SEC22C: variants seen among roughly 807,000 people sequenced by gnomAD.
The protein encoded by SEC22C is SEC22 homolog C, vesicle trafficking protein.
A neutral mutation model predicts 34.7 loss-of-function variants in SEC22C; 29 were observed. The observed-to-expected ratio is 0.84, with a 90% CI of 0.62 to 1.14. The LOEUF is 1.14. Ranked by LOEUF, SEC22C falls within the 50% of genes most tolerant of loss-of-function variation. SEC22C has a pLI of 0.00. For missense variants in SEC22C, 337 were observed against 369.0 expected (o/e 0.91, Z 0.71); for synonymous variants, 117 against 132.8 (o/e 0.88, Z 0.82).
At chr3:42,572,914 G>C (rs897753867) in intron 1 of SEC22C, among the ~76,000 whole-genome samples, 2 of 152,298 alleles carry the variant, frequency 1.3e-5, no homozygotes, top group South Asian at 4.1e-4. Context: ...TCCCAGGCTA[G>C]AATACAGCAG....
chr3:42,558,851 A>C (rs545579817), intron 4 of SEC22C, among the ~76,000 whole-genome samples: 1 of 152,184 alleles, frequency 6.6e-6, no homozygotes, highest in East Asian at 1.9e-4. Context: ...GAGAGGACCA[A>C]GGCTTTATTT....
chr3:42,590,952 G>A (rs1456247620), intron 1 of SEC22C: 2 of 1,110,248 alleles, frequency 1.8e-6, no homozygotes, highest in Non-Finnish European at 2.5e-6. Context: ...AGTCAATCAA[G>A]AGACTATCCA....
chr3:42,589,928 A>G lies in SEC22C; in HGVS notation c.-28+11032T>C, dbSNP rs587712. On this transcript the variant is annotated intron_variant, in intron 1 of 6. Transcript: ENST00000417572. ...CTTCCTCCTTGCATCTTGCGGCACA[A>G]CACCTTTGCGGTATGGTGCCTGGGC... 3.9e-5 allele frequency among the ~76,000 whole-genome samples: 6 copies of G among 152,092 alleles called. No individual in the cohort carries two copies. The South Asian group carries it at 1.2e-3, about 32-fold the overall frequency.
intron 1 of SEC22C, among the ~76,000 whole-genome samples, chr3:42,588,533 T>A (rs1344721047): frequency 6.6e-6 from 1 of 152,242 alleles, no homozygotes; most frequent in Non-Finnish European, 1.5e-5. Context: ...GACAGATCTT[T>A]GTGTGTATAT....
rs1702098289 is a variant in SEC22C at position 42,548,651 on chromosome 3, T to C, written c.*4597A>G. On this transcript the variant is annotated 3_prime_UTR_variant, in exon 7 of 7. Transcript: ENST00000264454. ...TGGTCCAACCAGCAGAACCAGCTCC[T>C]TGGATCCTGGAATAAACCAAACATC... 2 of 1,614,026 alleles carry C rather than the reference T, an allele frequency of 1.2e-6. No individual in the cohort carries two copies. The highest frequency in any genetic ancestry group is 8.5e-7 in the Non-Finnish European group (1 of 1,180,032).
At chr3:42,590,456 C>T (rs1704780459) in intron 1 of SEC22C, among the ~76,000 whole-genome samples, 1 of 152,166 alleles carries the variant, frequency 6.6e-6, no homozygotes, top group South Asian at 2.1e-4. Flanking sequence ...TGGTGAAACC[C>T]CGTCTCTACT....
rs1702210390 is a variant in SEC22C at position 42,550,699 on chromosome 3, G to T, written c.*2549C>A. 1 of 984,992 alleles carries T rather than the reference G, an allele frequency of 1.0e-6. No individual in the cohort carries two copies. Among genetic ancestry groups the T allele is most frequent in the Admixed American group, 6.2e-5 (1 of 16,226 alleles). 61.0% of individuals were successfully genotyped at this position (984,992 alleles called of 1,614,324 possible). On this transcript the variant is annotated 3_prime_UTR_variant, in exon 7 of 7. Transcript: ENST00000264454. ...TAACATCTCTGGTAGTGCCTCGGTG[G>T]TCAGGAAGCATTACCAGGAAGGACT... is the stretch of plus-strand genomic sequence containing the variant.
rs550344857 is a variant in SEC22C, at chr3:42,555,998, A to G, written c.646-3T>C. The G allele has an allele frequency of 7.5e-5, 121 of 1,610,838 alleles. 1 individual carries two copies. In the South Asian group the frequency reaches 1.1e-3, roughly 15 times the overall value. ...TTTCCAATTTCCTCATGGGCAACCT[A>G]AAACAAATACAAGGAACACAAGGAA... On this transcript the variant is annotated splice_polypyrimidine_tract_variant and splice_region_variant and intron_variant, in intron 5 of 6. Coordinates refer to ENST00000264454, the MANE Select transcript of SEC22C (RefSeq NM_032970.4).
chr3:42,593,308 T>C (rs1704917318), intron 1 of SEC22C, among the ~76,000 whole-genome samples: 1 of 152,120 alleles, frequency 6.6e-6, no homozygotes, highest in Non-Finnish European at 1.5e-5. Context: ...TCCCAGCTAC[T>C]TGGGAGGCCG....
chr3:42,594,067 G>A (rs964826430), intron 1 of SEC22C, among the ~76,000 whole-genome samples: 5 of 152,202 alleles, frequency 3.3e-5, no homozygotes, highest in African/African-American at 1.2e-4. Context: ...AATGAGATGG[G>A]AGCCTTTGGA....
chr3:42,556,650 T>C (rs1290839234), intron 5 of SEC22C, among the ~76,000 whole-genome samples: 1 of 152,182 alleles, frequency 6.6e-6, no homozygotes, highest in African/African-American at 2.4e-5. Context: ...TGGGTGTGAG[T>C]ATGGTGGCAC....
chr3:42,598,279 G>A (rs758835481), intron 1 of SEC22C, among the ~76,000 whole-genome samples: 12 of 151,628 alleles, frequency 7.9e-5, no homozygotes, highest in Non-Finnish European at 1.6e-4. Context: ...CAACATGGAT[G>A]AAATGGAAGA....
At chr3:42,590,894 C>G in intron 1 of SEC22C, 1 of 1,444,682 alleles carries the variant, frequency 6.9e-7, no homozygotes, top group Non-Finnish European at 9.3e-7. Flanking sequence ...GGAGGTTCCT[C>G]GGGATGTCGG....
Position 42,568,907 on chromosome 3 carries a change from T to C in SEC22C, c.140A>G (p.Tyr47Cys), listed in dbSNP as rs761206015. 3.7e-6 allele frequency: 6 copies of C among 1,614,218 alleles called. No homozygotes were observed. In the South Asian group the frequency reaches 6.6e-5, roughly 18 times the overall value. Residue 47 changes from tyrosine (Y) to cysteine (C), a missense_variant, in exon 2 of 7, where the codon TAT becomes TGT. Physicochemically the swap from Tyr to Cys is radical, Grantham distance 194 (BLOSUM62 -2). Coordinates refer to ENST00000264454, the MANE Select transcript of SEC22C (RefSeq NM_032970.4). ...LKSLALRLAQ[Y>C]PGRGSAEGCD... ...ACCTTCTGCAGAACCTCGACCTGGA[T>C]ACTGGGCCAGTCGCAAGGCTAAACT...
intron 1 of SEC22C, chr3:42,591,383 T>C: frequency 1.6e-6 from 1 of 640,798 alleles, no homozygotes; most frequent in Non-Finnish European, 2.8e-6. Context: ...ATTTTTAGTA[T>C]GGGGTTTCCC....
intron 1 of SEC22C, chr3:42,587,540 A>T (rs1437394180): frequency 1.3e-5 from 2 of 151,914 alleles, no homozygotes; most frequent in East Asian, 3.9e-4. Context: ...CATCCTGGCT[A>T]ACACAGTGGA....
intron 5 of SEC22C, among the ~76,000 whole-genome samples, chr3:42,556,393 C>T (rs1234566535): frequency 6.6e-6 from 1 of 152,250 alleles, no homozygotes; most frequent in African/African-American, 2.4e-5. Context: ...TATGTCTTAA[C>T]CATCTTGCTG....
At chr3:42,574,105 A>C (rs1703806953) in intron 1 of SEC22C, among the ~76,000 whole-genome samples, 1 of 152,214 alleles carries the variant, frequency 6.6e-6, no homozygotes, top group Admixed American at 6.5e-5. Context: ...GAAAGCAGCA[A>C]GAGAAAAATA....
chr3:42,594,219 T>C (rs1226522171), intron 1 of SEC22C, among the ~76,000 whole-genome samples: 1 of 152,218 alleles, frequency 6.6e-6, no homozygotes, highest in Non-Finnish European at 1.5e-5. Context: ...CAAGAAATGA[T>C]AGTAGCTATG....
Sources: allele counts gnomAD v4.1 joint callset (sites outside exome capture counted in the v4.1 genomes callset), GRCh38; gene constraint gnomAD v4.1.1; transcripts MANE v1.5; gene names NCBI Gene and HGNC (gene_info 2026-07-23, HGNC 2026-07-21).